PRKX: variants seen among roughly 807,000 people sequenced by gnomAD.
The protein encoded by PRKX is protein kinase cAMP-dependent X-linked catalytic subunit.
In PRKX, 12 loss-of-function variants were observed where a neutral mutation model predicts 22.0. That is an observed-to-expected ratio of 0.54 (90% CI 0.35 to 0.88). PRKX has a LOEUF of 0.88. Among genes scored for constraint, PRKX ranks in the 40% least tolerant of loss-of-function variants. The probability of loss-of-function intolerance (pLI) is 0.01; values close to 1 mark genes in which losing one functional copy is unlikely to be tolerated. For missense variants in PRKX, 217 were observed against 308.0 expected (o/e 0.70, Z 2.21); for synonymous variants, 134 against 137.7 (o/e 0.97, Z 0.19).
chrX:3,697,714 T>TTTTTTG (rs778386411), intron 1 of PRKX, among the ~76,000 whole-genome samples: 1 of 104,731 alleles, frequency 9.5e-6, no homozygotes, highest in African/African-American at 3.6e-5. Flanking sequence ...CCGGCTACAC[T>TTTTTTG]TTTTTGTTTT....
intron 6 of PRKX, among the ~76,000 whole-genome samples, chrX:3,616,104 A>T (rs1345639150): frequency 9.0e-6 from 1 of 111,615 alleles, no homozygotes; most frequent in Non-Finnish European, 1.9e-5. Context: ...CCGCAGAAAC[A>T]AATCCAGTCA....
At chrX:3,700,551 CTCT>C (rs1400495483) in intron 1 of PRKX, among the ~76,000 whole-genome samples, 14 of 109,897 alleles carry the variant, frequency 1.3e-4, no homozygotes, top group Non-Finnish European at 2.7e-4. Flanking sequence ...CTTTTTTCTT[CTCT>C]TTTTTTTTCC....
chrX:3,604,381 T>C lies in PRKX; in HGVS notation c.*4588A>G, dbSNP rs1383564431. ...GATGAAACTCAGACTTCTGAAAAGA[T>C]ACAAAGTTTTATTAAACAAACCTGG... On this transcript the variant is annotated 3_prime_UTR_variant, in exon 9 of 9. Transcript: ENST00000262848. 8.9e-6 allele frequency: 1 copy of C among 112,905 alleles called. No individual in the cohort carries two copies. Among genetic ancestry groups the C allele is most frequent in the African/African-American group, 3.2e-5 (1 of 31,088 alleles). The allele number at this position is 112,905 out of a possible 1,213,427, so 9.3% of individuals were successfully genotyped here.
At chrX:3,697,841 G>A (rs921582594) in intron 1 of PRKX, among the ~76,000 whole-genome samples, 2 of 112,056 alleles carry the variant, frequency 1.8e-5, no homozygotes, top group African/African-American at 6.5e-5. Context: ...ATGGGCAACC[G>A]CACACAGCCA....
rs1163536232 is a variant in PRKX, at chrX:3,640,767, C to G, written c.719+1085G>C. On this transcript the variant is annotated intron_variant, in intron 4 of 8. Coordinates refer to ENST00000262848, the MANE Select transcript of PRKX (RefSeq NM_005044.5). Reference sequence around the variant, plus strand: ...CACAGGACAAGATAGGAGGTCAGCACAAGATACAGGTCACAAAGACCCTGC... The same window carrying G: ...CACAGGACAAGATAGGAGGTCAGCAGAAGATACAGGTCACAAAGACCCTGC... 4.5e-5 allele frequency among the ~76,000 whole-genome samples: 5 copies of G among 111,877 alleles called. No homozygotes were observed. The Middle Eastern group carries it at 0.018, about 412-fold the overall frequency.
At chrX:3,680,745 C>T (rs780823602) in intron 1 of PRKX, among the ~76,000 whole-genome samples, 1 of 111,820 alleles carries the variant, frequency 8.9e-6, no homozygotes, top group African/African-American at 3.2e-5. Flanking sequence ...TCACAACTGG[C>T]GGCTTGGGGG....
chrX:3,627,152 C>T (rs1926675633), intron 4 of PRKX, among the ~76,000 whole-genome samples: 2 of 110,370 alleles, frequency 1.8e-5, no homozygotes. Flanking sequence ...GAGGCCGAGG[C>T]GGGTGGATAA....
At chrX:3,618,375 T>C (rs1450387778) in intron 6 of PRKX, among the ~76,000 whole-genome samples, 4 of 111,716 alleles carry the variant, frequency 3.6e-5, no homozygotes, top group Non-Finnish European at 5.6e-5. Flanking sequence ...CCTAGCACTT[T>C]GTGAGGCCAA....
At chrX:3,696,054 T>C (rs1421287829) in intron 1 of PRKX, among the ~76,000 whole-genome samples, 1 of 111,312 alleles carries the variant, frequency 9.0e-6, no homozygotes, top group African/African-American at 3.3e-5. Context: ...GGTGATGATG[T>C]TAGCAGGTGG....
chrX:3,635,675 C>T (rs1327860716), intron 4 of PRKX, among the ~76,000 whole-genome samples: 1 of 111,580 alleles, frequency 9.0e-6, no homozygotes, highest in Admixed American at 9.6e-5. Context: ...GCAGCCTCGA[C>T]TTCCTGGGCT....
At chrX:3,652,044 T>C (rs1927343173) in intron 3 of PRKX, among the ~76,000 whole-genome samples, 1 of 111,114 alleles carries the variant, frequency 9.0e-6, no homozygotes, top group Admixed American at 9.7e-5. Flanking sequence ...AGCTAAGCTA[T>C]GAGGACGCTG....
At chrX:3,626,673 A>G (rs1270295154) in intron 4 of PRKX, among the ~76,000 whole-genome samples, 159 bp from the exon 5 acceptor site, 3 of 112,575 alleles carry the variant, frequency 2.7e-5, no homozygotes, top group South Asian at 7.4e-4. Context: ...AAAGCACGTG[A>G]CAGTCAGATG....
At chrX:3,660,919 G>A (rs763723504) in intron 2 of PRKX, among the ~76,000 whole-genome samples, 1 of 109,686 alleles carries the variant, frequency 9.1e-6, no homozygotes, top group East Asian at 2.9e-4. Context: ...AAGAAGAGGT[G>A]GGGAGAGGAG....
chrX:3,645,462 C>A (rs746632058), intron 3 of PRKX, among the ~76,000 whole-genome samples: 1 of 112,093 alleles, frequency 8.9e-6, no homozygotes, highest in East Asian at 2.8e-4. Context: ...TGTGCAAACA[C>A]GATCTTTGTA....
chrX:3,615,043 G>C (rs1926389529), intron 7 of PRKX, among the ~76,000 whole-genome samples: 1 of 71,051 alleles, frequency 1.4e-5, no homozygotes, highest in African/African-American at 6.2e-5. Flanking sequence ...TTTTGAGACA[G>C]GGTCTGGCTC....
chrX:3,628,226 C>G (rs1160901819), intron 4 of PRKX, among the ~76,000 whole-genome samples: 3 of 110,643 alleles, frequency 2.7e-5, no homozygotes, highest in African/African-American at 9.9e-5. Context: ...TAAAGAAGAA[C>G]AGAGGATACT....
At chrX:3,706,002 T>TAAAA (rs11349613) in intron 1 of PRKX, among the ~76,000 whole-genome samples, 16 of 93,727 alleles carry the variant, frequency 1.7e-4, no homozygotes, top group African/African-American at 6.3e-4. Flanking sequence ...GGTTTTTCTT[T>TAAAA]AAAAAAAAAA....
rs189862240 is a variant in PRKX, at chrX:3,609,595, T to C, written c.*24-650A>G. 4.5e-5 allele frequency among the ~76,000 whole-genome samples: 5 copies of C among 110,645 alleles called. No homozygotes were observed. The East Asian group carries it at 8.5e-4, about 19-fold the overall frequency. On this transcript the variant is annotated intron_variant, in intron 8 of 8. Coordinates refer to ENST00000262848, the MANE Select transcript of PRKX (RefSeq NM_005044.5). ...TCAGCCTCTAGAATAGCTGTGACAA[T>C]AGGTATGTATCACTACGCCTGGCTA...
rs942467679 is a variant in PRKX at position 3,701,921 on chromosome X, C to T, written c.166+11167G>A. On this transcript the variant is annotated intron_variant, in intron 1 of 8. Transcript: ENST00000262848. The stretch of plus-strand genomic sequence containing the variant: ...GGGGAGGCACGAATAATTCACCTTT[C>T]GTTTACCATATAATCAAGAAATAGC... 3.6e-5 allele frequency among the ~76,000 whole-genome samples: 4 copies of T among 112,082 alleles called. No homozygotes were observed. The Admixed American group carries it at 3.8e-4, about 11-fold the overall frequency.
Sources: allele counts gnomAD v4.1 joint callset (sites outside exome capture counted in the v4.1 genomes callset), GRCh38; gene constraint gnomAD v4.1.1; transcripts MANE v1.5; gene names NCBI Gene and HGNC (gene_info 2026-07-23, HGNC 2026-07-21).